Variants in CCDC25 observed in about 807,000 individuals in gnomAD.
The protein encoded by CCDC25 is coiled-coil domain containing 25.
CCDC25 carries 16 observed loss-of-function variants against 35.3 expected under a neutral mutation model. The ratio of observed to expected loss-of-function variants is 0.45; its 90% CI spans 0.31 to 0.69. The LOEUF (loss-of-function observed/expected upper bound fraction) is 0.69, where lower values mean the gene tolerates loss of function less well. CCDC25 is among the 30% of genes least tolerant of loss of function. CCDC25 has a pLI of 0.06. For synonymous variants in CCDC25, 79 were observed against 80.3 expected, an observed-to-expected ratio of 0.98 and a Z score of 0.09; for missense variants, 179 against 250.7, an observed-to-expected ratio of 0.71 and a Z score of 1.93.
At chr8:27,767,133 C>T (rs9692909) in intron 1 of CCDC25, among the ~76,000 whole-genome samples, 65,140 of 151,956 alleles carry the variant, frequency 0.43, 14,229 homozygotes, top group East Asian at 0.62. Context: ...CAGGAGGCCG[C>T]GGTGGGCAGA....
At chr8:27,741,292 C>T (rs1258781567) in intron 7 of CCDC25, among the ~76,000 whole-genome samples, 3 of 152,246 alleles carry the variant, frequency 2.0e-5, no homozygotes, top group East Asian at 1.9e-4. Flanking sequence ...GAGAAGAAAA[C>T]AGAAAATGAT....
At chr8:27,765,821 A>T (rs1468704166) in intron 1 of CCDC25, among the ~76,000 whole-genome samples, 1 of 152,208 alleles carries the variant, frequency 6.6e-6, no homozygotes, top group Non-Finnish European at 1.5e-5. Context: ...CTGACCCCTG[A>T]TCTACATTAG....
rs777250706 is a variant in CCDC25, at chr8:27,756,737, T to C, written c.150A>G (p.Val50=). 35 of 1,612,554 alleles carry C rather than the reference T, an allele frequency of 2.2e-5. No individual in the cohort carries two copies. Among genetic ancestry groups the C allele is most frequent in the Non-Finnish European group, 3.0e-5 (35 of 1,178,748 alleles). The part of the protein sequence containing the change: ...FHVDKLSSAH[V]YLRLHKGENI... ...CAGTTACCTTATGTAATCGAAGGTA[T>C]ACATGAGCCGAAGAGAGTTTGTCCA... is the stretch of plus-strand genomic sequence containing the variant. The change falls in exon 4 of 9, where the codon GTA becomes GTG. Residue 50 remains valine (V), a synonymous_variant. Coordinates refer to ENST00000356537, the MANE Select transcript of CCDC25 (RefSeq NM_018246.3).
At chr8:27,770,895 G>A (rs1804585364) in intron 1 of CCDC25, among the ~76,000 whole-genome samples, 2 of 152,114 alleles carry the variant, frequency 1.3e-5, no homozygotes, top group African/African-American at 4.8e-5. Flanking sequence ...ACTACGTTAG[G>A]GAAACAAGTA....
rs757761596 is a variant in CCDC25, at chr8:27,752,592, AAC to A, written c.169-7_169-6del. 5 of 1,612,326 alleles carry A rather than the reference AAC, an allele frequency of 3.1e-6. No homozygotes were observed. The Admixed American group carries it at 8.3e-5, about 27-fold the overall frequency. On this transcript the variant is annotated splice_region_variant and splice_polypyrimidine_tract_variant and intron_variant, in intron 4 of 8. Coordinates refer to ENST00000356537, the MANE Select transcript of CCDC25 (RefSeq NM_018246.3). The stretch of plus-strand genomic sequence containing the variant: ...GATGTCTTCTATATTCTCTCCCTGA[AAC>A]ACAAAAATAAACCAATTGGTCCACT...
intron 4 of CCDC25, chr8:27,756,353 C>T (rs1259306563): frequency 5.8e-6 from 1 of 171,912 alleles, no homozygotes; most frequent in Non-Finnish European, 1.2e-5. Context: ...GGAACACGGG[C>T]CCTTCACTGA....
chr8:27,764,527 C>A, intron 2 of CCDC25: 1 of 343,952 alleles, frequency 2.9e-6, no homozygotes, highest in Non-Finnish European at 5.9e-6. Context: ...GATCCTCTCG[C>A]CTCAGCCTGT....
Position 27,748,497 on chromosome 8 carries a change from CCTT to C in CCDC25, c.343_345del (p.Lys115del). The C allele has an allele frequency of 6.2e-7, 1 of 1,610,818 alleles. No homozygotes were observed. The highest frequency in any genetic ancestry group is 8.5e-7 in the Non-Finnish European group (1 of 1,178,456). On this transcript the variant is annotated inframe_deletion, in exon 6 of 9. Coordinates refer to ENST00000356537, the MANE Select transcript of CCDC25 (RefSeq NM_018246.3). Reference sequence around the variant, plus strand: ...CTTCAGTGGCACAAAACACTTACATCCTTCTGCCTGTGAAAGCCTATCTGCCCC... The same window carrying C: ...CTTCAGTGGCACAAAACACTTACATCCTGCCTGTGAAAGCCTATCTGCCCC...
At chr8:27,761,978 C>T (rs1283096385) in intron 3 of CCDC25, among the ~76,000 whole-genome samples, 1 of 152,112 alleles carries the variant, frequency 6.6e-6, no homozygotes, top group Non-Finnish European at 1.5e-5. Flanking sequence ...CTAAACTCAT[C>T]AGGGAGTTTA....
intron 4 of CCDC25, among the ~76,000 whole-genome samples, chr8:27,753,297 T>C (rs527950404): frequency 6.6e-6 from 1 of 152,216 alleles, no homozygotes; most frequent in African/African-American, 2.4e-5. Context: ...AGGGTCTGAA[T>C]GAATCCCTTA....
chr8:27,743,771 G>A (rs1803515572), intron 7 of CCDC25, among the ~76,000 whole-genome samples: 1 of 152,178 alleles, frequency 6.6e-6, no homozygotes, highest in South Asian at 2.1e-4. Context: ...GAGTGAGTCT[G>A]TAGTCCCAGC....
chr8:27,761,129 C>CAA (rs1171697280), intron 3 of CCDC25, among the ~76,000 whole-genome samples: 5 of 139,064 alleles, frequency 3.6e-5, no homozygotes, highest in African/African-American at 1.3e-4. Flanking sequence ...AACTCCGTCT[C>CAA]AAAAAAAAAA....
At chr8:27,745,663 T>TG (rs1803578292) in intron 7 of CCDC25, among the ~76,000 whole-genome samples, 1 of 152,364 alleles carries the variant, frequency 6.6e-6, no homozygotes, top group South Asian at 2.1e-4. Context: ...ATTTCACAGA[T>TG]GCTGCAGAAC....
intron 7 of CCDC25, chr8:27,747,612 G>T: frequency 6.3e-6 from 1 of 158,786 alleles, no homozygotes; most frequent in Non-Finnish European, 1.4e-5. Context: ...AAAATGTAGT[G>T]CTTTGAAGCA....
intron 4 of CCDC25, among the ~76,000 whole-genome samples, chr8:27,755,747 T>G (rs1398680704): frequency 6.6e-6 from 1 of 152,198 alleles, no homozygotes; most frequent in Non-Finnish European, 1.5e-5. Context: ...ATTCTCCCCC[T>G]AAACCCATAA....
intron 4 of CCDC25, 89 bp downstream of exon 4, chr8:27,756,630 C>A: frequency 1.1e-6 from 1 of 906,132 alleles, no homozygotes; most frequent in South Asian, 1.4e-5. Context: ...CAACTTATTA[C>A]TGTAAGCAAT....
At chr8:27,765,133 T>C in intron 2 of CCDC25, 71 bp downstream of exon 2, 3 of 1,380,340 alleles carry the variant, frequency 2.2e-6, no homozygotes, top group African/African-American at 2.9e-5. Flanking sequence ...GTGGGGGGCA[T>C]GGAAGGTGGT....
At chr8:27,746,059 AT>A (rs1408742574) in intron 7 of CCDC25, among the ~76,000 whole-genome samples, 5 of 152,354 alleles carry the variant, frequency 3.3e-5, no homozygotes, top group African/African-American at 1.2e-4. Context: ...AATGCTTGTA[AT>A]TTTTGAAACT....
Position 27,734,186 on chromosome 8 carries a change from T to C in CCDC25, c.*2030A>G, listed in dbSNP as rs1314266677. On this transcript the variant is annotated 3_prime_UTR_variant, in exon 9 of 9. Transcript: ENST00000356537. ...GCCCAACCACGGTGACAAAGCTCCC[T>C]TGCCCAAAGATCGTGAGCCTAGACA... The C allele has an allele frequency of 6.6e-6, 1 of 152,234 alleles. No individual in the cohort carries two copies. The highest frequency in any genetic ancestry group is 1.9e-4 in the East Asian group (1 of 5,204). 9.4% of individuals were successfully genotyped at this position (152,234 alleles called of 1,614,324 possible).
Sources: allele counts gnomAD v4.1 joint callset (sites outside exome capture counted in the v4.1 genomes callset), GRCh38; gene constraint gnomAD v4.1.1; transcripts MANE v1.5; gene names NCBI Gene and HGNC (gene_info 2026-07-23, HGNC 2026-07-21).